The following LRRC8B variants were observed in gnomAD, a reference collection of about 807,000 sequenced individuals.
LRRC8B encodes the protein leucine rich repeat containing 8 VRAC subunit B.
A neutral mutation model predicts 58.8 loss-of-function variants in LRRC8B; 23 were observed. That is an observed-to-expected ratio of 0.39 (90% CI 0.28 to 0.55). LRRC8B has a LOEUF of 0.55. LRRC8B is among the 20% of genes least tolerant of loss of function. The probability of loss-of-function intolerance (pLI) is 0.62; values close to 1 mark genes in which losing one functional copy is unlikely to be tolerated. For synonymous variants in LRRC8B, 359 were observed against 374.1 expected, an observed-to-expected ratio of 0.96 and a Z score of 0.47; for missense variants, 694 against 936.0, an observed-to-expected ratio of 0.74 and a Z score of 3.37.
At position 89,595,480 on chromosome 1, in the gene LRRC8B, G is replaced by A. The variant is rs954041606; in HGVS notation, c.*2437G>A. 3 of 152,006 alleles carry A rather than the reference G, an allele frequency of 2.0e-5. No individual in the cohort carries two copies. Among genetic ancestry groups the A allele is most frequent in the Non-Finnish European group, 2.9e-5 (2 of 67,944 alleles). The allele number at this position is 152,006 out of a possible 1,614,324, so 9.4% of individuals were successfully genotyped here. On this transcript the variant is annotated 3_prime_UTR_variant, in exon 6 of 6. Transcript: ENST00000330947. The stretch of plus-strand genomic sequence containing the variant: ...CACCTGACGAACTTCTCCATGGCTC[G>A]TCACTGGTTTGGTTCAACTGCAGAA...
chr1:89,559,171 G>T (rs2100947870), intron 1 of LRRC8B: 2 of 152,326 alleles, frequency 1.3e-5, no homozygotes, highest in South Asian at 4.2e-4. Flanking sequence ...AGGGAGCTGG[G>T]CTCACCATAT....
chr1:89,525,815 G>A (rs1649650681), intron 1 of LRRC8B, among the ~76,000 whole-genome samples: 1 of 152,006 alleles, frequency 6.6e-6, no homozygotes, highest in African/African-American at 2.4e-5. Context: ...GAACAAAACC[G>A]ACATGTGAAC....
rs1655205522 is a variant in LRRC8B at position 89,594,817 on chromosome 1, T to A, written c.*1774T>A. 1 of 152,194 alleles carries A rather than the reference T, an allele frequency of 6.6e-6. No homozygotes were observed. Among genetic ancestry groups the A allele is most frequent in the Non-Finnish European group, 1.5e-5 (1 of 68,000 alleles). The allele number at this position is 152,194 out of a possible 1,614,324, so 9.4% of individuals were successfully genotyped here. A position where few individuals can be genotyped will look rare whatever the true frequency, so the allele number is the denominator to read the frequency against. On this transcript the variant is annotated 3_prime_UTR_variant, in exon 6 of 6. Transcript: ENST00000330947. ...AGGGTCTAGGCATTATGATGCCACC[T>A]CTTCATTTTGGATATAACTATGAAG...
At chr1:89,564,660 A>C (rs1652916661) in intron 1 of LRRC8B, among the ~76,000 whole-genome samples, 1 of 152,158 alleles carries the variant, frequency 6.6e-6, no homozygotes, top group African/African-American at 2.4e-5. Context: ...TTCTTCCTGC[A>C]CACCCGACTC....
intron 1 of LRRC8B, among the ~76,000 whole-genome samples, chr1:89,528,116 C>T (rs1201937547): frequency 3.9e-5 from 6 of 152,024 alleles, no homozygotes; most frequent in African/African-American, 1.4e-4. Flanking sequence ...TTTTAAATTT[C>T]AGAATCCCTT....
At chr1:89,534,287 A>G (rs1015590958) in intron 1 of LRRC8B, among the ~76,000 whole-genome samples, 3 of 152,212 alleles carry the variant, frequency 2.0e-5, no homozygotes, top group African/African-American at 7.2e-5. Context: ...GGTTTTAAAA[A>G]TCACTCTTTT....
At chr1:89,549,340 A>G (rs1306706337) in intron 1 of LRRC8B, among the ~76,000 whole-genome samples, 3 of 152,224 alleles carry the variant, frequency 2.0e-5, no homozygotes, top group African/African-American at 4.8e-5. Context: ...TGTTTCTATT[A>G]ACCCTGTTGA....
intron 1 of LRRC8B, among the ~76,000 whole-genome samples, chr1:89,535,210 A>T (rs978602723): frequency 2.6e-5 from 4 of 152,144 alleles, no homozygotes; most frequent in African/African-American, 9.7e-5. Flanking sequence ...ATTACTCCCA[A>T]TAAGACTCCC....
intron 5 of LRRC8B, among the ~76,000 whole-genome samples, chr1:89,591,246 C>T (rs1198836584): frequency 6.6e-6 from 1 of 152,198 alleles, no homozygotes; most frequent in African/African-American, 2.4e-5. Flanking sequence ...TAGGCACCAA[C>T]AAGCACTCTT....
chr1:89,583,406 C>T lies in LRRC8B; in HGVS notation c.756C>T (p.Asp252=). The T allele has an allele frequency of 1.9e-6, 3 of 1,614,146 alleles. No homozygotes were observed. The highest frequency in any genetic ancestry group is 2.5e-6 in the Non-Finnish European group (3 of 1,180,040). Residue 252 remains aspartate (D), a synonymous_variant, in exon 5 of 6, where the codon GAC becomes GAT. Transcript: ENST00000330947. The surrounding 1 kb of genome is among the most constrained non-coding windows in gnomAD (Gnocchi z 5.2). ...KRFRMHVEQK[D]IIYRVYLKQI... is the part of the protein sequence containing the mutation. ...TCCGCATGCATGTGGAGCAGAAGGA[C>T]ATCATTTATAGAGTATATCTGAAAC...
chr1:89,544,657 G>A (rs1383289685), intron 1 of LRRC8B, among the ~76,000 whole-genome samples: 1 of 152,116 alleles, frequency 6.6e-6, no homozygotes, highest in Admixed American at 6.5e-5. Context: ...CAGATCTCTC[G>A]CAGGATGGTA....
At chr1:89,561,970 A>G (rs1383315645) in intron 1 of LRRC8B, among the ~76,000 whole-genome samples, 1 of 152,158 alleles carries the variant, frequency 6.6e-6, no homozygotes, top group African/African-American at 2.4e-5. Context: ...TCGACCCCAC[A>G]TATCCAGAGA....
At chr1:89,552,869 T>G (rs2100914886) in intron 1 of LRRC8B, among the ~76,000 whole-genome samples, 1 of 152,344 alleles carries the variant, frequency 6.6e-6, no homozygotes, top group Admixed American at 6.5e-5. Context: ...AAATTCCTTT[T>G]ATTACTTCCT....
intron 1 of LRRC8B, among the ~76,000 whole-genome samples, chr1:89,536,943 C>T (rs925423883): frequency 1.3e-5 from 2 of 152,250 alleles, no homozygotes; most frequent in Middle Eastern, 3.4e-3. Flanking sequence ...CATGTGTGTA[C>T]AATTTCAACA....
At chr1:89,564,793 A>G (rs1186248515) in intron 1 of LRRC8B, among the ~76,000 whole-genome samples, 1 of 152,218 alleles carries the variant, frequency 6.6e-6, no homozygotes, top group Non-Finnish European at 1.5e-5. Context: ...AGGACTAACT[A>G]CTTGTTTAGG....
At chr1:89,542,175 C>A (rs779375662) in intron 1 of LRRC8B, among the ~76,000 whole-genome samples, 4 of 152,146 alleles carry the variant, frequency 2.6e-5, no homozygotes, top group African/African-American at 9.7e-5. Context: ...TTATTTATTT[C>A]TGCACCTACC....
intron 5 of LRRC8B, among the ~76,000 whole-genome samples, chr1:89,590,592 T>C (rs1304182252): frequency 6.6e-6 from 1 of 152,220 alleles, no homozygotes; most frequent in African/African-American, 2.4e-5. Context: ...AGAAGTTCAC[T>C]AAAATCACAG....
intron 3 of LRRC8B, among the ~76,000 whole-genome samples, chr1:89,573,137 A>G (rs189954661): frequency 8.7e-4 from 132 of 152,106 alleles, no homozygotes; most frequent in African/African-American, 3.1e-3. Flanking sequence ...CATCTCTACT[A>G]AAAATACAAA....
intron 1 of LRRC8B, among the ~76,000 whole-genome samples, chr1:89,564,088 G>A (rs1652867255): frequency 6.6e-6 from 1 of 152,186 alleles, no homozygotes; most frequent in Non-Finnish European, 1.5e-5. Flanking sequence ...TGGAAGAAAA[G>A]CCATGTAAAA....
Sources: gnomAD v4.1 joint callset for allele counts (sites outside exome capture counted in the v4.1 genomes callset) on GRCh38, gnomAD v4.1.1 for gene constraint, Gnocchi (gnomAD v3.1) non-coding constraint, MANE v1.5 for transcripts, NCBI Gene and HGNC (gene_info 2026-07-23, HGNC 2026-07-21) for gene names.